The following UGGT2 variants were observed in gnomAD, a reference collection of about 807,000 sequenced individuals.
UGGT2 encodes UDP-glucose:glycoprotein glucosyltransferase 2.
A neutral mutation model predicts 192.1 loss-of-function variants in UGGT2; 180 were observed. That is an observed-to-expected ratio of 0.94 (90% CI 0.83 to 1.06). The LOEUF is 1.06. UGGT2 is among the 50% of genes least tolerant of loss of function. UGGT2 has a pLI of 0.00. For missense variants in UGGT2, 1,849 were observed against 1,795.7 expected (o/e 1.03, Z -0.54); for synonymous variants, 580 against 591.0 (o/e 0.98, Z 0.27).
chr13:95,869,133 G>A (rs749490695), intron 29 of UGGT2, among the ~76,000 whole-genome samples: 10 of 151,030 alleles, frequency 6.6e-5, no homozygotes, highest in Non-Finnish European at 1.0e-4. Context: ...AGAACATGGC[G>A]GTGTTTGGTT....
chr13:95,838,851 A>G (rs1394612745), intron 36 of UGGT2, among the ~76,000 whole-genome samples: 1 of 152,184 alleles, frequency 6.6e-6, no homozygotes, highest in South Asian at 2.1e-4. Flanking sequence ...TTTCAATTTC[A>G]TGGTGCCACT....
chr13:95,942,808 A>G lies in UGGT2; in HGVS notation c.1678-2717T>C, dbSNP rs552570199. Among the ~76,000 whole-genome samples the G allele has an allele frequency of 5.9e-5, 9 of 152,214 alleles. No homozygotes were observed. The South Asian group carries it at 1.9e-3, about 32-fold the overall frequency. ...TGGTTTTCATTTGTAATTTAGCTGA[A>G]ATTATCAGTATTTTCCTGCAGACTT... On this transcript the variant is annotated intron_variant, in intron 15 of 38. Transcript: ENST00000376747.
intron 38 of UGGT2, among the ~76,000 whole-genome samples, chr13:95,815,896 G>C (rs917261876): frequency 6.6e-6 from 1 of 152,176 alleles, no homozygotes; most frequent in East Asian, 1.9e-4. Flanking sequence ...CTCATGAATG[G>C]GTTAGCAGCA....
intron 20 of UGGT2, among the ~76,000 whole-genome samples, chr13:95,924,039 C>T (rs1437415471): frequency 1.3e-5 from 2 of 151,934 alleles, no homozygotes; most frequent in Admixed American, 1.3e-4. Flanking sequence ...TTTATATTTC[C>T]AACAGATAGC....
chr13:95,989,513 T>C (rs1313985608), intron 8 of UGGT2: 3 of 367,216 alleles, frequency 8.2e-6, no homozygotes, highest in African/African-American at 6.3e-5. Flanking sequence ...ACAGAAGCTG[T>C]TCCTAACTTT....
At chr13:95,826,458 CCTGGAA>C (rs374013832) in intron 38 of UGGT2, among the ~76,000 whole-genome samples, 220 of 152,002 alleles carry the variant, frequency 1.4e-3, no homozygotes, top group African/African-American at 5.1e-3. Context: ...TGTGGGTATT[CCTGGAA>C]AAACCCAAGA....
rs956926500 is a variant in UGGT2, at chr13:96,019,131, G to T, written c.485+3909C>A. On this transcript the variant is annotated intron_variant, in intron 4 of 38. Coordinates refer to ENST00000376747, the MANE Select transcript of UGGT2 (RefSeq NM_020121.4). ...ACTTTGCCCTACATAGCGGGGGGGG[G>T]GGGGGGGAATGTTTCTGTCAGGCTG... is the stretch of plus-strand genomic sequence containing the variant. Among the ~76,000 whole-genome samples the T allele has an allele frequency of 6.4e-4, 83 of 130,508 alleles. 6 individuals are homozygous for T. Among genetic ancestry groups the T allele is most frequent in the East Asian group, 1.5e-3 (6 of 4,076 alleles). The allele number at this position is 130,508 out of a possible 152,430, so 85.6% of individuals were successfully genotyped here.
intron 37 of UGGT2, 80 bp downstream of exon 37, chr13:95,837,006 C>T (rs1038793432): frequency 8.9e-7 from 1 of 1,127,766 alleles, no homozygotes; most frequent in Non-Finnish European, 1.3e-6. Flanking sequence ...ATGCCACTCC[C>T]TTTGTAAAAC....
intron 10 of UGGT2, among the ~76,000 whole-genome samples, chr13:95,978,253 T>C (rs573385787): frequency 1.3e-5 from 2 of 152,264 alleles, no homozygotes; most frequent in African/African-American, 2.4e-5. Context: ...TGAGACACTA[T>C]CTCATTGTGG....
chr13:95,940,237 A>G (rs2049621331), intron 15 of UGGT2, 146 bp from the exon 16 acceptor site: 3 of 491,772 alleles, frequency 6.1e-6, no homozygotes, highest in Non-Finnish European at 6.5e-6. Context: ...AATAATTTTA[A>G]CCATATATCA....
At chr13:95,853,492 G>C (rs762720903) in intron 36 of UGGT2, 51 bp downstream of exon 36, 2 of 1,455,178 alleles carry the variant, frequency 1.4e-6, no homozygotes, top group Non-Finnish European at 9.5e-7. Flanking sequence ...CACGGAGTTG[G>C]AACAGTCTAT....
At chr13:95,845,720 G>T (rs1329969362) in intron 36 of UGGT2, among the ~76,000 whole-genome samples, 1 of 151,632 alleles carries the variant, frequency 6.6e-6, no homozygotes, top group Admixed American at 6.6e-5. Flanking sequence ...GGTCAGAGAC[G>T]CTCCTCACTT....
chr13:95,972,472 T>C, intron 11 of UGGT2, 108 bp downstream of exon 11: 5 of 1,010,932 alleles, frequency 4.9e-6, no homozygotes, highest in Non-Finnish European at 7.2e-6. Flanking sequence ...ATCAAAAACA[T>C]GTATTTATCT....
chr13:95,963,397 C>A (rs977393704), intron 12 of UGGT2, among the ~76,000 whole-genome samples: 1 of 151,946 alleles, frequency 6.6e-6, no homozygotes, highest in African/African-American at 2.4e-5. Flanking sequence ...AAGGAATATA[C>A]CTTAGCATAA....
Position 95,940,058 on chromosome 13 carries a change from G to A in UGGT2, c.1711C>T (p.Leu571Phe). 1.3e-6 allele frequency: 2 copies of A among 1,556,646 alleles called. No homozygotes were observed. Among genetic ancestry groups the A allele is most frequent in the Non-Finnish European group, 1.7e-6 (2 of 1,149,000 alleles). The change falls in exon 16 of 39, where the codon CTC becomes TTC. Residue 571 changes from leucine to phenylalanine, a missense_variant. By Grantham distance (22) the Leu-to-Phe change is conservative (BLOSUM62 0). Coordinates refer to ENST00000376747, the MANE Select transcript of UGGT2 (RefSeq NM_020121.4). Reference sequence around the variant, plus strand: ...ACACTCTTCACATTGTCCACAGTGAGTATATTTTGATCCTTCTTCACTTTT... The same window carrying A: ...ACACTCTTCACATTGTCCACAGTGAATATATTTTGATCCTTCTTCACTTTT... ...YQKVKKDQNI[L>F]TVDNVKSVLQ...
intron 7 of UGGT2, among the ~76,000 whole-genome samples, chr13:95,995,737 A>C (rs1483719796): frequency 6.6e-6 from 1 of 152,204 alleles, no homozygotes. Context: ...TCTACTGTGC[A>C]AAACAATATG....
intron 38 of UGGT2, among the ~76,000 whole-genome samples, chr13:95,826,080 A>C (rs935202462): frequency 6.6e-6 from 1 of 152,058 alleles, no homozygotes; most frequent in African/African-American, 2.4e-5. Flanking sequence ...ATAAACTACA[A>C]ATAATGTTGT....
Position 95,936,939 on chromosome 13 carries a change from T to A in UGGT2, c.1962A>T (p.Gln654His). The A allele has an allele frequency of 6.5e-7, 1 of 1,541,092 alleles. No homozygotes were observed. The highest frequency in any genetic ancestry group is 1.3e-5 in the South Asian group (1 of 76,912). ...GCTTACCTACCAAAAAAACTTCTCT[T>A]TGTAAATATACAGATGCATCCATCA... ...QRMMDASVYL[Q>H]REVFLGTLND... Residue 654 changes from glutamine to histidine, a missense_variant, in exon 17 of 39, where the codon CAA becomes CAT. Coordinates refer to ENST00000376747, the MANE Select transcript of UGGT2 (RefSeq NM_020121.4).
chr13:95,834,857 T>C (rs1236874366), intron 37 of UGGT2, among the ~76,000 whole-genome samples: 2 of 152,156 alleles, frequency 1.3e-5, no homozygotes, highest in Non-Finnish European at 2.9e-5. Context: ...ACACTTTTTT[T>C]CCCCTTCCCT....
Sources: gnomAD v4.1 joint callset for allele counts (sites outside exome capture counted in the v4.1 genomes callset) on GRCh38, gnomAD v4.1.1 for gene constraint, MANE v1.5 for transcripts, NCBI Gene and HGNC (gene_info 2026-07-23, HGNC 2026-07-21) for gene names.